SLC17A3: variants seen among roughly 807,000 people sequenced by gnomAD.
The protein encoded by SLC17A3 is solute carrier family 17 member 3, also known as sodium-dependent phosphate transport protein 4.
Under a neutral mutation model 60.3 loss-of-function variants are expected in SLC17A3, and 61 were observed. That is an observed-to-expected ratio of 1.01 (90% CI 0.82 to 1.25). The LOEUF is 1.25. SLC17A3 is among the 50% of genes most tolerant of loss of function. SLC17A3 has a pLI of 0.00. For missense variants in SLC17A3, 624 were observed against 594.9 expected, an observed-to-expected ratio of 1.05 and a Z score of -0.51; for synonymous variants, 192 against 208.9, an observed-to-expected ratio of 0.92 and a Z score of 0.70.
At chr6:25,869,916 C>T (rs929965839) in intron 1 of SLC17A3, among the ~76,000 whole-genome samples, 3 of 151,956 alleles carry the variant, frequency 2.0e-5, no homozygotes, top group Non-Finnish European at 4.4e-5. Flanking sequence ...TTCTAAAATC[C>T]ATCCATGTTG....
In SLC17A3 at chr6:25,845,161, G is replaced by T; in HGVS notation, c.*140C>A. Reference sequence around the variant, plus strand: ...TTACATTTCTCTCAAAAAAAAGTCTGAATAAAATAATGAACTGATCTCATA... The same window carrying T: ...TTACATTTCTCTCAAAAAAAAGTCTTAATAAAATAATGAACTGATCTCATA... On this transcript the variant is annotated 3_prime_UTR_variant, in exon 13 of 13. Transcript: ENST00000397060. 1 of 502,914 alleles carries T rather than the reference G, an allele frequency of 2.0e-6. No individual in the cohort carries two copies. The highest frequency in any genetic ancestry group is 3.6e-6 in the Non-Finnish European group (1 of 279,940). The allele number at this position is 502,914 out of a possible 1,614,324, so 31.2% of individuals were successfully genotyped here.
At chr6:25,864,326 C>T (rs1297927886) in intron 2 of SLC17A3, among the ~76,000 whole-genome samples, 2 of 151,740 alleles carry the variant, frequency 1.3e-5, no homozygotes, top group African/African-American at 2.4e-5. Context: ...AGAAGGGGGA[C>T]ATGATATGAC....
chr6:25,862,118 TC>T (rs1235542683), intron 3 of SLC17A3, 89 bp from the exon 4 acceptor site: 2 of 1,402,466 alleles, frequency 1.4e-6, no homozygotes, highest in Non-Finnish European at 2.0e-6. Context: ...TTGCTTGCTT[TC>T]AAATCACTAT....
At chr6:25,859,506 C>G (rs1218559016) in intron 5 of SLC17A3, among the ~76,000 whole-genome samples, 1 of 152,194 alleles carries the variant, frequency 6.6e-6, no homozygotes, top group East Asian at 1.9e-4. Context: ...CAATATTTGT[C>G]TGGGCCTAAT....
intron 2 of SLC17A3, among the ~76,000 whole-genome samples, chr6:25,864,294 G>A (rs1415623421): frequency 1.3e-5 from 2 of 151,934 alleles, no homozygotes; most frequent in African/African-American, 2.4e-5. Flanking sequence ...AGTGGGATGG[G>A]GGCCACTGGA....
At chr6:25,847,791 A>T (rs1165190) in intron 11 of SLC17A3, among the ~76,000 whole-genome samples, 1 of 151,702 alleles carries the variant, frequency 6.6e-6, no homozygotes, top group African/African-American at 2.4e-5. Flanking sequence ...GTGATATTTG[A>T]TTACATGAGT....
intron 1 of SLC17A3, among the ~76,000 whole-genome samples, chr6:25,869,928 T>G (rs532943265): frequency 1.3e-4 from 20 of 152,184 alleles, no homozygotes; most frequent in African/African-American, 3.8e-4. Flanking sequence ...TCCATGTTGT[T>G]GTACATATTA....
intron 1 of SLC17A3, among the ~76,000 whole-genome samples, chr6:25,870,676 G>T (rs1765626550): frequency 6.6e-6 from 1 of 152,002 alleles, no homozygotes; most frequent in Admixed American, 6.6e-5. Context: ...CACTGGCAAG[G>T]AAGAAGTGCT....
rs575934552 is a variant in SLC17A3 at position 25,850,142 on chromosome 6, G to A, written c.1029C>T (p.Ala343=). ...AGCCTCCCACCATGCCTATGACCCA[G>A]GCAACAATAAAAGGAAGGGCAGATA... ...GLLSALPFIV[A]WVIGMVGGYL... is the part of the protein sequence containing the mutation. Residue 343 remains alanine, a synonymous_variant, in exon 9 of 13, where the codon GCC becomes GCT. Coordinates refer to ENST00000397060, the MANE Select transcript of SLC17A3 (RefSeq NM_001098486.2). 1.2e-5 allele frequency: 19 copies of A among 1,613,546 alleles called. No individual in the cohort carries two copies. The Admixed American group carries it at 1.7e-4, about 14-fold the overall frequency.
chr6:25,849,943 G>A lies in SLC17A3; in HGVS notation c.1133C>T (p.Pro378Leu), dbSNP rs11966370. 1 of 1,613,986 alleles carries A rather than the reference G, an allele frequency of 6.2e-7. No individual in the cohort carries two copies. The highest frequency in any genetic ancestry group is 1.3e-5 in the African/African-American group (1 of 75,046). The change falls in exon 10 of 13, where the codon CCC (proline) becomes CTC (leucine). Residue 378 changes from proline to leucine, a missense_variant. Transcript: ENST00000397060. ...CAGAGACACAATGAGTGCTGAAGAG[G>A]GGAGACTTCCTAGGAAATGAAGAAG... ...RKIATILGSL[P>L]SSALIVSLPY...
chr6:25,849,821 A>G lies in SLC17A3; in HGVS notation c.1255T>C (p.Leu419=). The change falls in exon 10 of 13, where the codon TTA becomes CTA. Residue 419 remains leucine (L), a synonymous_variant. Transcript: ENST00000397060. The part of the protein sequence containing the change: ...LCQSGIYINV[L]DIAPRYSSFL... ...GAGTCCTACCTTGGAGCAATATCTA[A>G]GACATTGATATAAATCCCTGACTGA... is the stretch of plus-strand genomic sequence containing the variant. 1 of 1,613,926 alleles carries G rather than the reference A, an allele frequency of 6.2e-7. No individual in the cohort carries two copies. Among genetic ancestry groups the G allele is most frequent in the Non-Finnish European group, 8.5e-7 (1 of 1,179,772 alleles).
Position 25,845,200 on chromosome 6 carries a change from A to T in SLC17A3, c.*101T>A. 1 of 555,884 alleles carries T rather than the reference A, an allele frequency of 1.8e-6. No homozygotes were observed. Among genetic ancestry groups the T allele is most frequent in the Non-Finnish European group, 2.9e-6 (1 of 342,932 alleles). 34.4% of individuals were successfully genotyped at this position (555,884 alleles called of 1,614,324 possible). ...ACTGATCTCATAATTGAAAAGAGCC[A>T]CAGGAAAAAAAAAATCTTTTCACTG... On this transcript the variant is annotated 3_prime_UTR_variant, in exon 13 of 13. Coordinates refer to ENST00000397060, the MANE Select transcript of SLC17A3 (RefSeq NM_001098486.2).
intron 2 of SLC17A3, 84 bp downstream of exon 2, chr6:25,868,213 T>A (rs1021500340): frequency 9.8e-7 from 1 of 1,019,136 alleles, no homozygotes; most frequent in African/African-American, 1.6e-5. Flanking sequence ...AACTTAAAAA[T>A]CACAAATTCA....
At chr6:25,867,443 A>T (rs1386273045) in intron 2 of SLC17A3, among the ~76,000 whole-genome samples, 1 of 151,986 alleles carries the variant, frequency 6.6e-6, no homozygotes, top group African/African-American at 2.4e-5. Context: ...GAAATACGTA[A>T]ACTCTTTGCC....
At position 25,861,679 on chromosome 6, in the gene SLC17A3, C is replaced by T. The variant is rs1310669961; in HGVS notation, c.570G>A (p.Trp190Ter). Residue 190 changes from tryptophan to a stop codon, truncating the protein, a stop_gained, in exon 5 of 13, where the codon TGG (tryptophan) becomes TGA (stop). Coordinates refer to ENST00000397060, the MANE Select transcript of SLC17A3 (RefSeq NM_001098486.2). LOFTEE classifies it high-confidence loss of function. ...GTTCTTGTGGAGGGCCCCACTTTTC[C>T]CAAATTGCAAACTGACCCCCAAGTA... ...SSILGGQFAIWEKWGPPQERS... is the reference protein window; with the variant it reads ...SSILGGQFAI 1 of 1,613,940 alleles carries T rather than the reference C, an allele frequency of 6.2e-7. No individual in the cohort carries two copies. Among genetic ancestry groups the T allele is most frequent in the Non-Finnish European group, 8.5e-7 (1 of 1,179,890 alleles).
chr6:25,871,353 G>A (rs1328830308), intron 1 of SLC17A3, among the ~76,000 whole-genome samples: 1 of 151,862 alleles, frequency 6.6e-6, no homozygotes, highest in Admixed American at 6.6e-5. Flanking sequence ...CATGGATGAA[G>A]CTGGAAACCA....
chr6:25,846,218 C>T (rs1048579636), intron 11 of SLC17A3, among the ~76,000 whole-genome samples: 16 of 152,104 alleles, frequency 1.1e-4, no homozygotes, highest in African/African-American at 3.4e-4. Flanking sequence ...GAATTACTTG[C>T]CTTTAATAAA....
chr6:25,856,579 G>A (rs1159027377), intron 5 of SLC17A3, among the ~76,000 whole-genome samples: 6 of 152,168 alleles, frequency 3.9e-5, no homozygotes, highest in Non-Finnish European at 7.3e-5. Context: ...CGGGCGCAGT[G>A]GCTCATGCTT....
Position 25,845,239 on chromosome 6 carries a change from G to C in SLC17A3, c.*62C>G. 1.1e-6 allele frequency: 1 copy of C among 906,406 alleles called. No individual in the cohort carries two copies. Among genetic ancestry groups the C allele is most frequent in the East Asian group, 2.5e-5 (1 of 39,758 alleles). The allele number at this position is 906,406 out of a possible 1,614,324, so 56.1% of individuals were successfully genotyped here. A position where few individuals can be genotyped will look rare whatever the true frequency, so the allele number is the denominator to read the frequency against. The stretch of plus-strand genomic sequence containing the variant: ...ATCTTTTCACTGGTATTTTCATCAC[G>C]GAAGCCTTCTATTTTATGCAATACG... On this transcript the variant is annotated 3_prime_UTR_variant, in exon 13 of 13. Coordinates refer to ENST00000397060, the MANE Select transcript of SLC17A3 (RefSeq NM_001098486.2).
Sources: allele counts gnomAD v4.1 joint callset (sites outside exome capture counted in the v4.1 genomes callset), GRCh38; gene constraint gnomAD v4.1.1; transcripts MANE v1.5; gene names NCBI Gene and HGNC (gene_info 2026-07-23, HGNC 2026-07-21).